Variants in CFAP77 observed in about 807,000 individuals in gnomAD.
The protein encoded by CFAP77 is cilia and flagella associated protein 77.
Under a neutral mutation model 31.1 loss-of-function variants are expected in CFAP77, and 25 were observed. The observed-to-expected ratio is 0.80, with a 90% CI of 0.59 to 1.12. The LOEUF (loss-of-function observed/expected upper bound fraction) is 1.12, where lower values mean the gene tolerates loss of function less well. Ranked by LOEUF, CFAP77 falls within the 50% of genes most tolerant of loss-of-function variation. The pLI, the probability that CFAP77 is intolerant of heterozygous loss-of-function variation, is 0.00. For missense variants in CFAP77, 377 were observed against 397.3 expected (o/e 0.95, Z 0.44); for synonymous variants, 151 against 159.9 (o/e 0.94, Z 0.42).
Position 132,572,790 on chromosome 9 carries a change from C to A in CFAP77, c.*280C>A, listed in dbSNP as rs1029771246. The A allele has an allele frequency of 1.3e-5, 6 of 449,592 alleles. No individual in the cohort carries two copies. The highest frequency in any genetic ancestry group is 1.2e-4 in the African/African-American group (6 of 49,396). 27.9% of individuals were successfully genotyped at this position (449,592 alleles called of 1,614,324 possible). On this transcript the variant is annotated 3_prime_UTR_variant, in exon 6 of 6. Transcript: ENST00000393216. ...AGGCTCACCCTGCCTCTTCTCAAGC[C>A]CTCACCTGCCAAGACAAGCCCAAAT...
chr9:132,438,543 T>TATATATATATATA (rs1564204145), intron 1 of CFAP77, among the ~76,000 whole-genome samples: 2 of 88,354 alleles, frequency 2.3e-5, no homozygotes, highest in East Asian at 3.3e-4. Flanking sequence ...ATATATATAT[T>TATATATATATATA]TTTTTTTTTT....
chr9:132,411,163 A>G (rs977409461), intron 1 of CFAP77, among the ~76,000 whole-genome samples: 1 of 152,070 alleles, frequency 6.6e-6, no homozygotes, highest in African/African-American at 2.4e-5. Flanking sequence ...TGGCGGCCAC[A>G]CCTTCCCGGG....
chr9:132,552,925 T>C lies in CFAP77; in HGVS notation c.732+9878T>C, dbSNP rs996067327. On this transcript the variant is annotated intron_variant, in intron 5 of 5. Transcript: ENST00000393216. The surrounding 1 kb of genome is among the most constrained non-coding windows in gnomAD (Gnocchi z 5.5). ...GGGGCTTTCAAAGGGAAATGTGCAG[T>C]TGGAGACCGCCTCTGTCTGTTAAAC... 1.3e-5 allele frequency among the ~76,000 whole-genome samples: 2 copies of C among 152,202 alleles called. No individual in the cohort carries two copies. The highest frequency in any genetic ancestry group is 6.5e-5 in the Admixed American group (1 of 15,272).
chr9:132,555,913 C>T (rs964971266), intron 5 of CFAP77, among the ~76,000 whole-genome samples: 7 of 152,096 alleles, frequency 4.6e-5, no homozygotes, highest in East Asian at 1.9e-4. Flanking sequence ...ACGGCGTACA[C>T]GATACCGAGA....
At position 132,529,839 on chromosome 9, in the gene CFAP77, A is replaced by AAAAG. The variant is rs1554748191; in HGVS notation, c.525-7758_525-7755dup. On this transcript the variant is annotated intron_variant, in intron 3 of 5. Coordinates refer to ENST00000393216, the MANE Select transcript of CFAP77 (RefSeq NM_001282957.2). ...GACTCTGTCTCAAAAAAAAAAAAAG[A>AAAAG]AAAGAAAAGAAAAGAAAAAGAAACT... Among the ~76,000 whole-genome samples the AAAAG allele has an allele frequency of 7.4e-4, 107 of 145,174 alleles. 1 individual carries two copies. The highest frequency in any genetic ancestry group is 2.1e-3 in the African/African-American group (82 of 38,764).
At chr9:132,514,384 G>C (rs867295578) in intron 3 of CFAP77, among the ~76,000 whole-genome samples, 1 of 147,774 alleles carries the variant, frequency 6.8e-6, no homozygotes, top group Non-Finnish European at 1.5e-5. Context: ...GAGGCTGTCC[G>C]CTGAGTTACA....
At chr9:132,494,700 C>T (rs1851711860) in intron 1 of CFAP77, among the ~76,000 whole-genome samples, 1 of 152,194 alleles carries the variant, frequency 6.6e-6, no homozygotes, top group Admixed American at 6.5e-5. Context: ...ACACTTTCAC[C>T]AAGTGCATGA....
intron 1 of CFAP77, among the ~76,000 whole-genome samples, chr9:132,473,786 TG>T (rs1851302239): frequency 2.0e-5 from 3 of 152,142 alleles, no homozygotes; most frequent in African/African-American, 7.2e-5. Flanking sequence ...CAGGTTCAAA[TG>T]ATTCTCCTGC....
chr9:132,535,857 T>A (rs1852532429), intron 3 of CFAP77, among the ~76,000 whole-genome samples: 1 of 152,174 alleles, frequency 6.6e-6, no homozygotes, highest in Non-Finnish European at 1.5e-5. Context: ...TCTTTAATTT[T>A]TTCATAATTA....
At position 132,565,040 on chromosome 9, in the gene CFAP77, C is replaced by T. The variant is rs931648323; in HGVS notation, c.733-7348C>T. Among the ~76,000 whole-genome samples the T allele has an allele frequency of 6.6e-6, 1 of 151,968 alleles. No homozygotes were observed. Among genetic ancestry groups the T allele is most frequent in the Non-Finnish European group, 1.5e-5 (1 of 68,008 alleles). On this transcript the variant is annotated intron_variant, in intron 5 of 5. Coordinates refer to ENST00000393216, the MANE Select transcript of CFAP77 (RefSeq NM_001282957.2). The surrounding 1 kb of genome is among the most constrained non-coding windows in gnomAD (Gnocchi z 4.1). ...ACTAAGGTCTCTTCCAAACCTAACT[C>T]TCTGGGAATATTTTATTCTGATCCA...
rs200963844 is a variant in CFAP77 at position 132,410,404 on chromosome 9, A to T, written c.133A>T (p.Met45Leu). 368 of 1,602,206 alleles carry T rather than the reference A, an allele frequency of 2.3e-4. 2 individuals carry two copies. Among genetic ancestry groups the T allele is most frequent in the Admixed American group, 6.6e-4 (39 of 59,520 alleles). ...PLTVADIRSG[M>L]ENERLGVVRD... is the part of the protein sequence containing the mutation. Reference sequence around the variant, plus strand: ...GACCGTGGCGGACATCCGTTCCGGCATGGAGAACGAGCGGCTGGGGGTCGT... The same window carrying T: ...GACCGTGGCGGACATCCGTTCCGGCTTGGAGAACGAGCGGCTGGGGGTCGT... Residue 45 changes from methionine to leucine, a missense_variant, in exon 1 of 6, where the codon ATG (methionine) becomes TTG (leucine). Transcript: ENST00000393216.
chr9:132,438,988 A>G (rs950449054), intron 1 of CFAP77, among the ~76,000 whole-genome samples: 3 of 149,458 alleles, frequency 2.0e-5, no homozygotes, highest in African/African-American at 4.9e-5. Flanking sequence ...CGATTCTCCC[A>G]CCTCAGCCTC....
intron 5 of CFAP77, among the ~76,000 whole-genome samples, chr9:132,553,720 A>G (rs568601021): frequency 3.1e-4 from 47 of 152,342 alleles, no homozygotes; most frequent in Non-Finnish European, 6.2e-4. Flanking sequence ...CCACGTTGCA[A>G]CAACAGTGGA....
intron 3 of CFAP77, among the ~76,000 whole-genome samples, chr9:132,515,716 A>G (rs1852133989): frequency 6.6e-6 from 1 of 152,230 alleles, no homozygotes; most frequent in Admixed American, 6.5e-5. Context: ...AGATGAAGGC[A>G]GAGAGAGGAT....
In CFAP77 at chr9:132,481,368, C is replaced by A. The variant is rs1485842267; in HGVS notation, c.196-17327C>A. On this transcript the variant is annotated intron_variant, in intron 1 of 5. Coordinates refer to ENST00000393216, the MANE Select transcript of CFAP77 (RefSeq NM_001282957.2). The surrounding 1 kb of genome is among the most constrained non-coding windows in gnomAD (Gnocchi z 5.0). Reference sequence around the variant, plus strand: ...CCCTCTCCTGAAACCCCATCCAAGTCCTGCCCACTAAAGCTTGTGTATTCC... The same window carrying A: ...CCCTCTCCTGAAACCCCATCCAAGTACTGCCCACTAAAGCTTGTGTATTCC... Among the ~76,000 whole-genome samples the A allele has an allele frequency of 2.0e-5, 3 of 152,186 alleles. No homozygotes were observed. Among genetic ancestry groups the A allele is most frequent in the African/African-American group, 7.2e-5 (3 of 41,452 alleles).
At chr9:132,452,873 T>C (rs897504086) in intron 1 of CFAP77, among the ~76,000 whole-genome samples, 13 of 152,218 alleles carry the variant, frequency 8.5e-5, no homozygotes, top group African/African-American at 3.1e-4. Context: ...GATGACCCTT[T>C]CTGACTCTCA....
At chr9:132,550,307 G>A (rs910762582) in intron 5 of CFAP77, among the ~76,000 whole-genome samples, 7 of 152,194 alleles carry the variant, frequency 4.6e-5, no homozygotes, top group Admixed American at 2.0e-4. Context: ...AAGACAGCTG[G>A]TTTGGGCATC....
intron 1 of CFAP77, among the ~76,000 whole-genome samples, chr9:132,436,011 G>A (rs1263891541): frequency 1.3e-5 from 2 of 152,162 alleles, no homozygotes; most frequent in Non-Finnish European, 2.9e-5. Flanking sequence ...GCATTCCCCA[G>A]GAGAACCCAG....
At chr9:132,458,416 G>A (rs901617204) in intron 1 of CFAP77, among the ~76,000 whole-genome samples, 1 of 150,522 alleles carries the variant, frequency 6.6e-6, no homozygotes, top group Non-Finnish European at 1.5e-5. Context: ...CTCCACATAT[G>A]GAATTTCGAC....
Sources: allele counts gnomAD v4.1 joint callset (sites outside exome capture counted in the v4.1 genomes callset), GRCh38; gene constraint gnomAD v4.1.1; non-coding constraint Gnocchi (gnomAD v3.1); transcripts MANE v1.5; gene names NCBI Gene and HGNC (gene_info 2026-07-23, HGNC 2026-07-21).